CES5A: variants seen among roughly 807,000 people sequenced by gnomAD.
CES5A encodes carboxylesterase 5A, also known as carboxylesterase 5.
In CES5A, 67 loss-of-function variants were observed where a neutral mutation model predicts 62.9. The observed-to-expected ratio is 1.07, with a 90% confidence interval of 0.88 to 1.31. The LOEUF (loss-of-function observed/expected upper bound fraction) is 1.31. CES5A is among the 50% of genes most tolerant of loss of function. The probability of loss-of-function intolerance (pLI) is 0.00; values close to 1 mark genes in which losing one functional copy is unlikely to be tolerated. For synonymous variants in CES5A, 296 were observed against 280.8 expected, an observed-to-expected ratio of 1.05 and a Z score of -0.54; for missense variants, 748 against 708.5, an observed-to-expected ratio of 1.06 and a Z score of -0.63.
In CES5A at chr16:55,869,667, A is replaced by G; in HGVS notation, c.495T>C (p.Tyr165=). The change falls in exon 4 of 13, where the codon TAT becomes TAC. Residue 165 remains tyrosine (Y), a synonymous_variant. Coordinates refer to ENST00000290567, the MANE Select transcript of CES5A (RefSeq NM_001143685.2). ...GGACGACCACAACCAGCACGTCCTC[A>G]TAGGCAGCCAGGGCGGACCCATCAA... ...SIFDGSALAA[Y]EDVLVVVVQY... The G allele has an allele frequency of 6.2e-7, 1 of 1,613,502 alleles. No individual in the cohort carries two copies. Among genetic ancestry groups the G allele is most frequent in the South Asian group, 1.1e-5 (1 of 90,874 alleles).
rs1351013932 is a variant in CES5A at position 55,873,877 on chromosome 16, T to A, written c.234A>T (p.Ala78=). The A allele has an allele frequency of 6.2e-7, 1 of 1,613,734 alleles. No individual in the cohort carries two copies. The highest frequency in any genetic ancestry group is 1.1e-5 in the South Asian group (1 of 90,856). ...GSLRFTNPQP[A]SPWDNLREAT... is the part of the protein sequence containing the mutation. Reference sequence around the variant, plus strand: ...CTTCTCGCAAGTTATCCCAGGGCGATGCAGGCTGCGGGTTCGTAAATCGCA... The same window carrying A: ...CTTCTCGCAAGTTATCCCAGGGCGAAGCAGGCTGCGGGTTCGTAAATCGCA... The change falls in exon 2 of 13, where the codon GCA becomes GCT. Residue 78 remains alanine (A), a synonymous_variant. Transcript: ENST00000290567.
At chr16:55,877,079 C>T (rs1405547367), upstream of CES5A, among the ~76,000 whole-genome samples, 16 of 152,148 alleles carry the variant, frequency 1.1e-4, no homozygotes, top group African/African-American at 3.6e-4. Context: ...GGAACCCCGG[C>T]AGTGGGACAT....
chr16:55,905,233 AC>A (rs1200649936), intron 1 of CES5A, among the ~76,000 whole-genome samples: 1 of 152,128 alleles, frequency 6.6e-6, no homozygotes, highest in Non-Finnish European at 1.5e-5. Flanking sequence ...TATCACACAG[AC>A]AACTTCCTAT....
At chr16:55,874,571 T>C (rs1324230949) in intron 1 of CES5A, among the ~76,000 whole-genome samples, 1 of 152,124 alleles carries the variant, frequency 6.6e-6, no homozygotes, top group African/African-American at 2.4e-5. Flanking sequence ...GAATTGTGAT[T>C]TTGGTGAGTT....
At chr16:55,940,700 T>G (rs1420151503) in intron 2 of CES5A, among the ~76,000 whole-genome samples, 1 of 151,676 alleles carries the variant, frequency 6.6e-6, no homozygotes, top group Non-Finnish European at 1.5e-5. Flanking sequence ...ACCAAAAACA[T>G]ACAAAAATAG....
At chr16:55,860,124 G>T (rs2033324248) in intron 7 of CES5A, among the ~76,000 whole-genome samples, 1 of 151,952 alleles carries the variant, frequency 6.6e-6, no homozygotes, top group Non-Finnish European at 1.5e-5. Context: ...AGATCTGATG[G>T]TTTTATAAAG....
chr16:55,861,144 T>G (rs1433364899), intron 7 of CES5A, among the ~76,000 whole-genome samples: 1 of 152,212 alleles, frequency 6.6e-6, no homozygotes, highest in East Asian at 1.9e-4. Flanking sequence ...GGTCCTTCTC[T>G]CCAGTGAGAT....
chr16:55,869,149 C>T lies in CES5A; in HGVS notation c.551+462G>A, dbSNP rs117127435. On this transcript the variant is annotated intron_variant, in intron 4 of 12. Coordinates refer to ENST00000290567, the MANE Select transcript of CES5A (RefSeq NM_001143685.2). Reference sequence around the variant, plus strand: ...ACAGTGGGGCTACATGGCCCCAGCTCGCTTGCAGCTGGATGTGGCCATGTG... The same window carrying T: ...ACAGTGGGGCTACATGGCCCCAGCTTGCTTGCAGCTGGATGTGGCCATGTG... Among the ~76,000 whole-genome samples the T allele has an allele frequency of 2.2e-3, 332 of 152,340 alleles. 12 individuals carry two copies. The South Asian group carries it at 0.035, about 16-fold the overall frequency.
chr16:55,862,603 T>G lies in CES5A; in HGVS notation c.810+745A>C, dbSNP rs1421184546. Among the ~76,000 whole-genome samples the G allele has an allele frequency of 2.0e-5, 3 of 152,358 alleles. No individual in the cohort carries two copies. The East Asian group carries it at 5.8e-4, about 29-fold the overall frequency. On this transcript the variant is annotated intron_variant, in intron 6 of 12. Coordinates refer to ENST00000290567, the MANE Select transcript of CES5A (RefSeq NM_001143685.2). Reference sequence around the variant, plus strand: ...AATATTTCTGTGTATTGAGGGAATTTTTTTAAATTGCATAACTCTATGTTT... The same window carrying G: ...AATATTTCTGTGTATTGAGGGAATTGTTTTAAATTGCATAACTCTATGTTT...
At chr16:55,850,722 A>T (rs752310376) in intron 10 of CES5A, among the ~76,000 whole-genome samples, 1 of 152,218 alleles carries the variant, frequency 6.6e-6, no homozygotes, top group Non-Finnish European at 1.5e-5. Flanking sequence ...TCAGTTTTCA[A>T]TTATCTTGAG....
intron 1 of CES5A, among the ~76,000 whole-genome samples, chr16:55,910,761 C>T (rs1403673879): frequency 6.6e-6 from 1 of 152,224 alleles, no homozygotes; most frequent in African/African-American, 2.4e-5. Flanking sequence ...GCTGCAGGAG[C>T]TATGCCTACA....
At chr16:55,914,855 T>C (rs2034130063) in intron 1 of CES5A, among the ~76,000 whole-genome samples, 1 of 152,210 alleles carries the variant, frequency 6.6e-6, no homozygotes, top group Non-Finnish European at 1.5e-5. Context: ...AATGGTATTG[T>C]ACCCTCGTTA....
chr16:55,930,032 G>T (rs1341660503), upstream of CES5A, among the ~76,000 whole-genome samples: 1 of 152,074 alleles, frequency 6.6e-6, no homozygotes, highest in Admixed American at 6.5e-5. Flanking sequence ...CTAGGTCTTC[G>T]TGGTTGATTG....
At chr16:55,944,879 G>A (rs1158354553) in intron 2 of CES5A, among the ~76,000 whole-genome samples, 3 of 152,082 alleles carry the variant, frequency 2.0e-5, no homozygotes, top group South Asian at 2.1e-4. Flanking sequence ...GTGTGCAAAG[G>A]CCTACACCAG....
chr16:55,848,059 A>C (rs1210436686), intron 11 of CES5A, among the ~76,000 whole-genome samples: 2 of 152,008 alleles, frequency 1.3e-5, no homozygotes, highest in Non-Finnish European at 2.9e-5. Flanking sequence ...TATAGGCATG[A>C]GCCACCACAC....
intron 2 of CES5A, among the ~76,000 whole-genome samples, chr16:55,946,890 A>G (rs1329737097): frequency 6.6e-6 from 1 of 152,080 alleles, no homozygotes; most frequent in Non-Finnish European, 1.5e-5. Flanking sequence ...TCTTATTGTG[A>G]TGGAAGAAGC....
chr16:55,859,393 T>G (rs747159708), intron 8 of CES5A, among the ~76,000 whole-genome samples, 154 bp downstream of exon 8: 1 of 152,214 alleles, frequency 6.6e-6, no homozygotes, highest in Non-Finnish European at 1.5e-5. Flanking sequence ...TCACTTGCCC[T>G]CTTTCAGAGA....
chr16:55,875,495 C>A, upstream of CES5A: 2 of 661,128 alleles, frequency 3.0e-6, no homozygotes, highest in Non-Finnish European at 4.6e-6. Flanking sequence ...ATGGGGGAAA[C>A]AGAAAAGACA....
At chr16:55,856,873 A>G (rs1225063993) in intron 8 of CES5A, among the ~76,000 whole-genome samples, 2 of 152,272 alleles carry the variant, frequency 1.3e-5, no homozygotes, top group Non-Finnish European at 2.9e-5. Flanking sequence ...ATGAGAAAAG[A>G]AAGTTTACAC....
Sources: allele counts gnomAD v4.1 joint callset (sites outside exome capture counted in the v4.1 genomes callset), GRCh38; gene constraint gnomAD v4.1.1; transcripts MANE v1.5; gene names NCBI Gene and HGNC (gene_info 2026-07-23, HGNC 2026-07-21).